The following GALNT7 variants were observed in gnomAD, a reference collection of about 807,000 sequenced individuals.
The protein encoded by GALNT7 is polypeptide N-acetylgalactosaminyltransferase 7.
A neutral mutation model predicts 82.1 loss-of-function variants in GALNT7; 60 were observed. The ratio of observed to expected loss-of-function variants is 0.73; its 90% CI spans 0.59 to 0.91. GALNT7 has a LOEUF of 0.91. Among genes scored for constraint, GALNT7 ranks in the 40% least tolerant of loss-of-function variants. The pLI is 0.00. For missense variants in GALNT7, 660 were observed against 804.2 expected (o/e 0.82, Z 2.17); for synonymous variants, 243 against 275.1 (o/e 0.88, Z 1.15).
intron 2 of GALNT7, among the ~76,000 whole-genome samples, chr4:173,269,130 A>AT (rs1344687276): frequency 1.3e-5 from 2 of 152,152 alleles, no homozygotes; most frequent in Admixed American, 1.3e-4. Context: ...AGCATGTCTT[A>AT]TTATAGGGGC....
chr4:173,310,595 ATAT>A (rs1449237493), intron 8 of GALNT7, among the ~76,000 whole-genome samples: 2 of 152,156 alleles, frequency 1.3e-5, no homozygotes, highest in African/African-American at 4.8e-5. Flanking sequence ...AAAAATAATA[ATAT>A]TAATAATAGC....
chr4:173,194,328 G>A (rs943646163), intron 1 of GALNT7, among the ~76,000 whole-genome samples: 1 of 152,176 alleles, frequency 6.6e-6, no homozygotes, highest in South Asian at 2.1e-4. Flanking sequence ...TTTAAAGAAG[G>A]CAATTTACTT....
chr4:173,191,182 A>G (rs1314571901), intron 1 of GALNT7, among the ~76,000 whole-genome samples: 3 of 152,096 alleles, frequency 2.0e-5, no homozygotes, highest in African/African-American at 4.8e-5. Flanking sequence ...TTGGAAGCTC[A>G]CAAAAGCGCC....
At chr4:173,286,051 A>G (rs1736311077) in intron 2 of GALNT7, among the ~76,000 whole-genome samples, 1 of 152,230 alleles carries the variant, frequency 6.6e-6, no homozygotes, top group African/African-American at 2.4e-5. Flanking sequence ...TTCCAGAAAA[A>G]CAAGATCTAT....
At chr4:173,244,892 G>A (rs1734566724) in intron 1 of GALNT7, among the ~76,000 whole-genome samples, 1 of 152,140 alleles carries the variant, frequency 6.6e-6, no homozygotes, top group African/African-American at 2.4e-5. Context: ...AGTGAATGGT[G>A]GTTTCAGTCC....
At chr4:173,306,427 G>T (rs558238783) in intron 8 of GALNT7, among the ~76,000 whole-genome samples, 9 of 152,158 alleles carry the variant, frequency 5.9e-5, no homozygotes, top group Admixed American at 5.9e-4. Flanking sequence ...GGGAGAGTGG[G>T]CATCCTTGTC....
At chr4:173,237,114 A>T (rs889714282) in intron 1 of GALNT7, among the ~76,000 whole-genome samples, 6 of 152,192 alleles carry the variant, frequency 3.9e-5, no homozygotes, top group Admixed American at 3.9e-4. Context: ...ATGGATTTCT[A>T]GTCGTGCCAT....
chr4:173,224,803 GAGATCC>G (rs1157444164), intron 1 of GALNT7, among the ~76,000 whole-genome samples: 1 of 151,700 alleles, frequency 6.6e-6, no homozygotes, highest in Non-Finnish European at 1.5e-5. Context: ...ACGAGGTCAG[GAGATCC>G]AGACCATCCT....
intron 2 of GALNT7, among the ~76,000 whole-genome samples, chr4:173,270,608 A>G (rs1464548997): frequency 6.6e-6 from 1 of 152,220 alleles, no homozygotes; most frequent in Admixed American, 6.5e-5. Context: ...TTTTCATCAA[A>G]AGATATAATT....
At chr4:173,290,162 A>G (rs1017386045) in intron 2 of GALNT7, among the ~76,000 whole-genome samples, 7 of 152,178 alleles carry the variant, frequency 4.6e-5, no homozygotes, top group Non-Finnish European at 7.4e-5. Context: ...GCATAGAGGT[A>G]TATACAAAAG....
At position 173,323,376 on chromosome 4, in the gene GALNT7, G is replaced by A. The variant is rs907950143; in HGVS notation, c.*1659G>A. ...ATTTATAATTTTGAATTGTCAATTT[G>A]TATTTTGCTACTGATCTGTGATCAA... On this transcript the variant is annotated 3_prime_UTR_variant, in exon 12 of 12. Coordinates refer to ENST00000265000, the MANE Select transcript of GALNT7 (RefSeq NM_017423.3). 6.6e-6 allele frequency: 1 copy of A among 152,496 alleles called. No individual in the cohort carries two copies. Among genetic ancestry groups the A allele is most frequent in the African/African-American group, 2.4e-5 (1 of 41,428 alleles). 9.4% of individuals were successfully genotyped at this position (152,496 alleles called of 1,614,324 possible).
chr4:173,254,489 T>G (rs1418873209), intron 2 of GALNT7, among the ~76,000 whole-genome samples: 1 of 152,248 alleles, frequency 6.6e-6, no homozygotes, highest in Non-Finnish European at 1.5e-5. Flanking sequence ...TAGTTTTGTT[T>G]TATGTATCTT....
chr4:173,268,240 G>C (rs754828100), intron 2 of GALNT7: 2 of 154,044 alleles, frequency 1.3e-5, no homozygotes, highest in Non-Finnish European at 2.9e-5. Context: ...ACCTAACCTT[G>C]TTTTAGGCAT....
intron 8 of GALNT7, among the ~76,000 whole-genome samples, chr4:173,310,935 C>A (rs1286012858): frequency 1.3e-5 from 2 of 152,132 alleles, no homozygotes; most frequent in Admixed American, 1.3e-4. Flanking sequence ...AGGGTTTCAC[C>A]ATGTTGGCCA....
At chr4:173,186,476 G>T (rs747719721) in intron 1 of GALNT7, among the ~76,000 whole-genome samples, 16 of 152,162 alleles carry the variant, frequency 1.1e-4, no homozygotes, top group Non-Finnish European at 1.5e-4. Context: ...GCTTCCTTTA[G>T]ATACGTTTAT....
At chr4:173,293,867 A>G (rs1013680002) in intron 3 of GALNT7, among the ~76,000 whole-genome samples, 2 of 152,262 alleles carry the variant, frequency 1.3e-5, no homozygotes, top group Admixed American at 6.5e-5. Context: ...GCAGTGGGAA[A>G]GAAGACACAC....
intron 1 of GALNT7, among the ~76,000 whole-genome samples, chr4:173,222,924 G>A (rs1733689699): frequency 6.6e-6 from 1 of 152,036 alleles, no homozygotes; most frequent in Admixed American, 6.6e-5. Flanking sequence ...GACTACTAAG[G>A]TTAGACTGCT....
In GALNT7 at chr4:173,254,932, T is replaced by C. The variant is rs115823940; in HGVS notation, c.587+6492T>C. On this transcript the variant is annotated intron_variant, in intron 2 of 11. Coordinates refer to ENST00000265000, the MANE Select transcript of GALNT7 (RefSeq NM_017423.3). The stretch of plus-strand genomic sequence containing the variant: ...TTTAAAATAAGTCCTTGTGTTCTGA[T>C]GTCTACTTTTCTTCTTCACACACAT... 5.8e-3 allele frequency among the ~76,000 whole-genome samples: 890 copies of C among 152,352 alleles called. 6 individuals are homozygous for C. Among genetic ancestry groups the C allele is most frequent in the African/African-American group, 0.021 (860 of 41,584 alleles).
At chr4:173,197,854 C>T (rs1157565464) in intron 1 of GALNT7, among the ~76,000 whole-genome samples, 1 of 152,106 alleles carries the variant, frequency 6.6e-6, no homozygotes, top group African/African-American at 2.4e-5. Context: ...GCAGCTGGGT[C>T]GATTAGGGTG....
Sources: allele counts gnomAD v4.1 joint callset (sites outside exome capture counted in the v4.1 genomes callset), GRCh38; gene constraint gnomAD v4.1.1; transcripts MANE v1.5; gene names NCBI Gene and HGNC (gene_info 2026-07-23, HGNC 2026-07-21).